ZMYM2: variants seen among roughly 807,000 people sequenced by gnomAD.
ZMYM2 encodes zinc finger MYM-type protein 2.
ZMYM2 carries 56 observed loss-of-function variants against 162.8 expected under a neutral mutation model. The observed-to-expected ratio is 0.34, with a 90% CI of 0.28 to 0.43. The LOEUF is 0.43. ZMYM2 is among the 20% of genes least tolerant of loss of function. The pLI is 1.00. For synonymous variants in ZMYM2, 510 were observed against 541.6 expected (o/e 0.94, Z 0.81); for missense variants, 1,275 against 1,621.8 (o/e 0.79, Z 3.67).
chr13:20,006,638 T>G (rs1950767957), intron 6 of ZMYM2, 52 bp downstream of exon 6: 6 of 1,552,624 alleles, frequency 3.9e-6, no homozygotes, highest in Non-Finnish European at 5.3e-6. Context: ...TTCTTGAAAG[T>G]GTTGTAATAC....
At chr13:19,979,697 T>C (rs938325530) in intron 2 of ZMYM2, among the ~76,000 whole-genome samples, 1 of 152,188 alleles carries the variant, frequency 6.6e-6, no homozygotes, top group African/African-American at 2.4e-5. Flanking sequence ...CTATCAGCCC[T>C]GTGTACAGCC....
At chr13:20,034,482 G>T in intron 11 of ZMYM2, 78 bp downstream of exon 11, 1 of 1,303,294 alleles carries the variant, frequency 7.7e-7, no homozygotes. Context: ...ATCCAGAGTG[G>T]CTGCACAATT....
chr13:19,993,243 T>C lies in ZMYM2; in HGVS notation c.171T>C (p.Asp57=), dbSNP rs774839368. ...TTCAGAACTCGTCAGTGGAAGATGA[T>C]GATGATGTTGTTTTTATCGAACCTG... ...NKFQNSSVED[D]DDVVFIEPVQ... The change falls in exon 3 of 25, where the codon GAT becomes GAC. Residue 57 remains aspartate, a synonymous_variant. Transcript: ENST00000610343. 6.2e-7 allele frequency: 1 copy of C among 1,614,004 alleles called. No homozygotes were observed. The highest frequency in any genetic ancestry group is 8.5e-7 in the Non-Finnish European group (1 of 1,179,892).
intron 3 of ZMYM2, among the ~76,000 whole-genome samples, chr13:19,997,983 G>A (rs184398144): frequency 1.3e-5 from 2 of 152,120 alleles, no homozygotes; most frequent in African/African-American, 4.8e-5. Context: ...ACTTCTTTAG[G>A]AATATTGCTG....
intron 3 of ZMYM2, 80 bp downstream of exon 3, chr13:19,993,999 A>G (rs1949826971): frequency 6.9e-7 from 1 of 1,459,106 alleles, no homozygotes; most frequent in Non-Finnish European, 9.2e-7. Flanking sequence ...AGTAACTGGT[A>G]TTACCTTGTT....
intron 21 of ZMYM2, among the ~76,000 whole-genome samples, chr13:20,078,867 G>A (rs1310449504): frequency 6.6e-6 from 1 of 151,994 alleles, no homozygotes; most frequent in African/African-American, 2.4e-5. Context: ...AAAGTTAAAT[G>A]TATAACATGT....
intron 6 of ZMYM2, among the ~76,000 whole-genome samples, chr13:20,016,759 C>A (rs1317231187): frequency 2.6e-5 from 4 of 152,054 alleles, no homozygotes; most frequent in African/African-American, 9.7e-5. Context: ...TGTTTTGCTT[C>A]TTTCCGTATT....
chr13:19,936,653 C>T, the ZMYM2 span, among the ~76,000 whole-genome samples: 2 of 151,946 alleles, frequency 1.3e-5, no homozygotes, highest in Non-Finnish European at 2.9e-5. Context: ...ACCCAGGAGG[C>T]GGAGGTTGCA....
At chr13:20,073,146 G>C (rs1030515854) in intron 21 of ZMYM2, among the ~76,000 whole-genome samples, 6 of 152,208 alleles carry the variant, frequency 3.9e-5, no homozygotes, top group African/African-American at 1.4e-4. Flanking sequence ...GACCTCAAGT[G>C]ATCCGCCTGC....
intron 7 of ZMYM2, among the ~76,000 whole-genome samples, chr13:20,020,725 G>A (rs1473869845): frequency 2.0e-5 from 3 of 151,778 alleles, no homozygotes; most frequent in African/African-American, 4.8e-5. Flanking sequence ...TTTTTCCCTA[G>A]TCTTTTTTTC....
In ZMYM2 at chr13:20,018,179, A is replaced by G. The variant is rs1012853781; in HGVS notation, c.1513-1368A>G. 3.9e-5 allele frequency among the ~76,000 whole-genome samples: 6 copies of G among 152,154 alleles called. No homozygotes were observed. In the East Asian group the frequency reaches 9.6e-4, roughly 24 times the overall value. ...TTATACTGTTCCCCACATAATCTCT[A>G]CTGACACCAAATGATTCTTCTTCAG... On this transcript the variant is annotated intron_variant, in intron 6 of 24. Coordinates refer to ENST00000610343, the MANE Select transcript of ZMYM2 (RefSeq NM_197968.4).
chr13:20,018,790 C>G (rs1951827095), intron 6 of ZMYM2, among the ~76,000 whole-genome samples: 1 of 152,064 alleles, frequency 6.6e-6, no homozygotes, highest in African/African-American at 2.4e-5. Context: ...AAAAGAATTT[C>G]TCAAACATGC....
chr13:20,031,989 G>C (rs1953203323), intron 10 of ZMYM2, among the ~76,000 whole-genome samples: 1 of 150,462 alleles, frequency 6.6e-6, no homozygotes, highest in South Asian at 2.1e-4. Context: ...TCCTGCCTCA[G>C]CGTCCCAAGT....
chr13:19,900,443 A>C, the ZMYM2 span, among the ~76,000 whole-genome samples: 1 of 152,342 alleles, frequency 6.6e-6, no homozygotes, highest in South Asian at 2.1e-4. Context: ...AGATTGAATC[A>C]GTAATTTAAA....
chr13:19,976,144 C>G (rs1566194034), intron 2 of ZMYM2, among the ~76,000 whole-genome samples: 2 of 152,030 alleles, frequency 1.3e-5, no homozygotes. Context: ...CCATCCTGCC[C>G]AACGTGGTAA....
Position 20,000,976 on chromosome 13 carries a change from T to C in ZMYM2, c.848-1874T>C, listed in dbSNP as rs555773055. Among the ~76,000 whole-genome samples the C allele has an allele frequency of 3.2e-4, 48 of 152,378 alleles. No homozygotes were observed. The South Asian group carries it at 8.7e-3, about 28-fold the overall frequency. On this transcript the variant is annotated intron_variant, in intron 3 of 24. Coordinates refer to ENST00000610343, the MANE Select transcript of ZMYM2 (RefSeq NM_197968.4). ...TGGGAGAAGGTCAAAACAGCATTAT[T>C]AACCAGAGTTTGGAAGAAGTTGATT...
At chr13:19,931,768 C>A in the ZMYM2 span, among the ~76,000 whole-genome samples, 5,938 of 152,176 alleles carry the variant, frequency 0.039, 389 homozygotes, top group African/African-American at 0.14. Context: ...GGACTAGAGG[C>A]GCACGCCAAA....
At chr13:19,979,723 A>G (rs780125163) in intron 2 of ZMYM2, among the ~76,000 whole-genome samples, 2 of 152,220 alleles carry the variant, frequency 1.3e-5, no homozygotes, top group Non-Finnish European at 2.9e-5. Context: ...TGCCAAGAAC[A>G]TAGTATGCTA....
At chr13:19,869,392 T>C in the ZMYM2 span, among the ~76,000 whole-genome samples, 161 of 152,330 alleles carry the variant, frequency 1.1e-3, 1 homozygote, top group African/African-American at 3.7e-3. Context: ...TGTTAAGATA[T>C]TCTGACGTTC....
Sources: gnomAD v4.1 joint callset for allele counts (sites outside exome capture counted in the v4.1 genomes callset) on GRCh38, gnomAD v4.1.1 for gene constraint, MANE v1.5 for transcripts, NCBI Gene and HGNC (gene_info 2026-07-23, HGNC 2026-07-21) for gene names.